Variants in IFT52 observed in about 807,000 individuals in gnomAD.
IFT52 encodes intraflagellar transport protein 52 homolog.
In IFT52, 44 loss-of-function variants were observed where a neutral mutation model predicts 54.4. The ratio of observed to expected loss-of-function variants is 0.81; its 90% CI spans 0.63 to 1.04. The LOEUF (loss-of-function observed/expected upper bound fraction) is 1.04. IFT52 is among the 50% of genes least tolerant of loss of function. The pLI, the probability that IFT52 is intolerant of heterozygous loss-of-function variation, is 0.00. For synonymous variants in IFT52, 181 were observed against 185.3 expected, an observed-to-expected ratio of 0.98 and a Z score of 0.19; for missense variants, 452 against 523.6, an observed-to-expected ratio of 0.86 and a Z score of 1.33.
intron 12 of IFT52, among the ~76,000 whole-genome samples, chr20:43,641,759 G>A (rs2145679873): frequency 6.6e-6 from 1 of 152,258 alleles, no homozygotes; most frequent in African/African-American, 2.4e-5. Context: ...CTCCCAAAGT[G>A]CTGGGATTAC....
chr20:43,611,580 G>T (rs1400141195), intron 6 of IFT52, among the ~76,000 whole-genome samples: 5 of 150,676 alleles, frequency 3.3e-5, no homozygotes, highest in Non-Finnish European at 7.4e-5. Context: ...TGGGATTACA[G>T]GTGCCCGCCA....
At chr20:43,641,047 A>G (rs1053862864) in intron 12 of IFT52, among the ~76,000 whole-genome samples, 1 of 151,616 alleles carries the variant, frequency 6.6e-6, no homozygotes, top group African/African-American at 2.4e-5. Flanking sequence ...AAAAAAAAAA[A>G]AAAAAAAGGA....
At chr20:43,611,503 G>A (rs1983449467) in intron 6 of IFT52, among the ~76,000 whole-genome samples, 1 of 124,576 alleles carries the variant, frequency 8.0e-6, no homozygotes, top group Non-Finnish European at 1.6e-5. Flanking sequence ...GAGTGCAATG[G>A]CACCATCTCA....
intron 7 of IFT52, among the ~76,000 whole-genome samples, chr20:43,614,264 A>G (rs1983685682): frequency 1.4e-5 from 2 of 147,936 alleles, no homozygotes; most frequent in South Asian, 4.2e-4. Context: ...TTTGAGATGG[A>G]GTCTCTGTTG....
At chr20:43,621,954 G>A (rs1443321083) in intron 9 of IFT52, among the ~76,000 whole-genome samples, 1 of 152,224 alleles carries the variant, frequency 6.6e-6, no homozygotes, top group East Asian at 1.9e-4. Flanking sequence ...TTTTATAGAT[G>A]AGGAAACTGA....
intron 3 of IFT52, among the ~76,000 whole-genome samples, chr20:43,599,049 A>T (rs1259775468): frequency 6.6e-6 from 1 of 152,078 alleles, no homozygotes; most frequent in Non-Finnish European, 1.5e-5. Flanking sequence ...TGGCATGGAG[A>T]GGGACATGAT....
chr20:43,605,686 G>A (rs928650594), intron 6 of IFT52, among the ~76,000 whole-genome samples: 18 of 152,002 alleles, frequency 1.2e-4, no homozygotes, highest in African/African-American at 4.1e-4. Context: ...CCTATTATTG[G>A]ACATTTAAGT....
At chr20:43,591,298 C>T (rs559254236) in intron 1 of IFT52, among the ~76,000 whole-genome samples, 21 of 152,334 alleles carry the variant, frequency 1.4e-4, no homozygotes, top group Admixed American at 1.4e-3. Context: ...GAGCATGGGA[C>T]GAGGAATCGT....
chr20:43,591,331 C>T (rs1233079333), intron 1 of IFT52, among the ~76,000 whole-genome samples: 1 of 152,208 alleles, frequency 6.6e-6, no homozygotes, highest in Non-Finnish European at 1.5e-5. Flanking sequence ...TCTCTTCTGT[C>T]GTGGCTGCGA....
rs182384816 is a variant in IFT52 at position 43,642,955 on chromosome 20, T to G, written c.1266+331T>G. 6.6e-5 allele frequency among the ~76,000 whole-genome samples: 10 copies of G among 150,778 alleles called. No homozygotes were observed. In the East Asian group the frequency reaches 1.8e-3, roughly 27 times the overall value. On this transcript the variant is annotated intron_variant, in intron 13 of 13. Transcript: ENST00000373030. ...GCTGAGGTAGGCAGATCACCCGAGG[T>G]CAGGAGTTCGAGACCAGCCTGACCA... is the stretch of plus-strand genomic sequence containing the variant.
intron 6 of IFT52, among the ~76,000 whole-genome samples, chr20:43,607,030 A>G (rs1274497203): frequency 1.3e-5 from 2 of 151,972 alleles, no homozygotes; most frequent in African/African-American, 4.8e-5. Context: ...TCTTTTCCCC[A>G]CCTTTCCCCT....
Position 43,617,980 on chromosome 20 carries a change from T to C in IFT52, c.613-960T>C, listed in dbSNP as rs575902990. Among the ~76,000 whole-genome samples the C allele has an allele frequency of 1.3e-4, 20 of 151,390 alleles. No homozygotes were observed. The East Asian group carries it at 3.9e-3, about 30-fold the overall frequency. On this transcript the variant is annotated intron_variant, in intron 7 of 13. Coordinates refer to ENST00000373030, the MANE Select transcript of IFT52 (RefSeq NM_016004.5). The stretch of plus-strand genomic sequence containing the variant: ...CTAGGCTGGTCTTGAACTACTGATC[T>C]CAGGGTGATCTGCCCACCTTGGCCT...
intron 10 of IFT52, among the ~76,000 whole-genome samples, chr20:43,629,925 A>G (rs1985039764): frequency 6.6e-6 from 1 of 152,340 alleles, no homozygotes; most frequent in South Asian, 2.1e-4. Flanking sequence ...TCACACAACT[A>G]GTTTTCATTG....
At chr20:43,608,014 G>A (rs1267596693) in intron 6 of IFT52, among the ~76,000 whole-genome samples, 1 of 150,666 alleles carries the variant, frequency 6.6e-6, no homozygotes, top group African/African-American at 2.4e-5. Flanking sequence ...CAGGCGTGGC[G>A]GTGCGCGCCT....
chr20:43,625,776 T>G (rs1303841624), intron 10 of IFT52, among the ~76,000 whole-genome samples: 1 of 152,014 alleles, frequency 6.6e-6, no homozygotes, highest in Non-Finnish European at 1.5e-5. Flanking sequence ...TGTAAGGACT[T>G]CCTTGGCTTT....
At chr20:43,642,219 A>G in intron 12 of IFT52, 1 of 354,028 alleles carries the variant, frequency 2.8e-6, no homozygotes, top group Non-Finnish European at 5.0e-6. Context: ...CTAATGTAGG[A>G]ATACTAGATC....
At chr20:43,646,823 A>G in intron 13 of IFT52, 113 bp from the exon 14 acceptor site, 2 of 909,650 alleles carry the variant, frequency 2.2e-6, no homozygotes, top group South Asian at 1.4e-5. Flanking sequence ...GATATTATGT[A>G]TATGTCCTAA....
chr20:43,594,268 A>T lies in IFT52; in HGVS notation c.-6-425A>T, dbSNP rs537894426. ...GGTTGCAGTGAGCCAAGATCACACC[A>T]TTGCACTCCAACCTGGGAGACAGAG... On this transcript the variant is annotated intron_variant, in intron 1 of 13. Coordinates refer to ENST00000373030, the MANE Select transcript of IFT52 (RefSeq NM_016004.5). 3.9e-5 allele frequency among the ~76,000 whole-genome samples: 6 copies of T among 152,248 alleles called. No homozygotes were observed. In the East Asian group the frequency reaches 1.2e-3, roughly 29 times the overall value.
chr20:43,626,317 G>A (rs1043220629), intron 10 of IFT52, among the ~76,000 whole-genome samples: 2 of 149,720 alleles, frequency 1.3e-5, no homozygotes, highest in South Asian at 4.2e-4. Context: ...AAGCTGGAGT[G>A]CAGTGGCGCA....
Sources: gnomAD v4.1 joint callset for allele counts (sites outside exome capture counted in the v4.1 genomes callset) on GRCh38, gnomAD v4.1.1 for gene constraint, MANE v1.5 for transcripts, NCBI Gene and HGNC (gene_info 2026-07-23, HGNC 2026-07-21) for gene names.